The following DNMT3A variants were observed in gnomAD, a reference collection of about 807,000 sequenced individuals.
DNMT3A encodes the protein DNA methyltransferase 3 alpha.
In DNMT3A, 267 loss-of-function variants were observed where a neutral mutation model predicts 117.6. The observed-to-expected ratio is 2.27, with a 90% CI of 2.05 to 2.51. The LOEUF is 2.51. DNMT3A is among the 30% of genes most tolerant of loss of function. The probability of loss-of-function intolerance (pLI) is 0.00; values close to 1 mark genes in which losing one functional copy is unlikely to be tolerated. For synonymous variants in DNMT3A, 432 were observed against 474.8 expected, an observed-to-expected ratio of 0.91 and a Z score of 1.17; for missense variants, 1,029 against 1,260.2, an observed-to-expected ratio of 0.82 and a Z score of 2.78.
At chr2:25,275,324 G>A (rs1438552628) in intron 5 of DNMT3A, among the ~76,000 whole-genome samples, 176 bp downstream of exon 5, 2 of 152,230 alleles carry the variant, frequency 1.3e-5, no homozygotes, top group African/African-American at 4.8e-5. Flanking sequence ...GGAGGGGGAT[G>A]AGCCGGCTGC....
intron 3 of DNMT3A, among the ~76,000 whole-genome samples, chr2:25,285,406 A>C (rs72810070): frequency 2.3e-3 from 349 of 152,334 alleles, no homozygotes; most frequent in Non-Finnish European, 3.7e-3. Context: ...TCCTCCCTGG[A>C]TGGGGACCCG....
At chr2:25,300,117 G>A in intron 3 of DNMT3A, 22 bp downstream of exon 3, 6 of 1,610,782 alleles carry the variant, frequency 3.7e-6, no homozygotes, top group Non-Finnish European at 5.1e-6. Flanking sequence ...GCACAGGAGG[G>A]TGTGTAGGAT....
intron 3 of DNMT3A, 26 bp downstream of exon 3, chr2:25,300,113 G>T: frequency 6.2e-7 from 1 of 1,608,980 alleles, no homozygotes; most frequent in Non-Finnish European, 8.5e-7. Context: ...GTGTGCACAG[G>T]AGGGTGTGTA....
rs1232202110 is a variant in DNMT3A at position 25,236,732 on chromosome 2, A to C, written c.2478+204T>G. On this transcript the variant is annotated intron_variant, in intron 21 of 22. Coordinates refer to ENST00000321117, the MANE Select transcript of DNMT3A (RefSeq NM_022552.5). This position sits in a 1 kb window ranked among gnomAD's most constrained non-coding sequence, Gnocchi z 4.5. ...GTGTCTACCGGGGGTGATGGGCGAC[A>C]CTCACCAGGGAGGAAGGGCTGAAGG... is the stretch of plus-strand genomic sequence containing the variant. 1.3e-5 allele frequency among the ~76,000 whole-genome samples: 2 copies of C among 152,152 alleles called. No individual in the cohort carries two copies. Among genetic ancestry groups the C allele is most frequent in the Non-Finnish European group, 2.9e-5 (2 of 68,000 alleles).
At chr2:25,285,351 G>GAAAACA (rs1284427430) in intron 3 of DNMT3A, among the ~76,000 whole-genome samples, 1 of 152,180 alleles carries the variant, frequency 6.6e-6, no homozygotes, top group Non-Finnish European at 1.5e-5. Context: ...AGGGCCTTGG[G>GAAAACA]AAAACAAAAA....
intron 3 of DNMT3A, among the ~76,000 whole-genome samples, chr2:25,288,225 C>A (rs58425980): frequency 3.3e-5 from 5 of 149,538 alleles, no homozygotes; most frequent in Non-Finnish European, 6.0e-5. Flanking sequence ...ATGAGGTCAG[C>A]AGATTGAGAC....
intron 4 of DNMT3A, among the ~76,000 whole-genome samples, chr2:25,277,456 C>A (rs190499349): frequency 6.6e-6 from 1 of 152,072 alleles, no homozygotes; most frequent in African/African-American, 2.4e-5. Context: ...GCGGTCCCGG[C>A]GGACCCTGAC....
Position 25,314,575 on chromosome 2 carries a change from TCACCCC to T in DNMT3A, c.-177-420_-177-415del, listed in dbSNP as rs1573483166. The T allele has an allele frequency of 3.1e-6, 3 of 979,706 alleles. No homozygotes were observed. The South Asian group carries it at 1.4e-4, about 47-fold the overall frequency. The allele number at this position is 979,706 out of a possible 1,614,324, so 60.7% of individuals were successfully genotyped here. On this transcript the variant is annotated intron_variant, in intron 1 of 22. Transcript: ENST00000321117. Reference sequence around the variant, plus strand: ...GCTACGTTTTCCTTCTAATCTGTCCTCACCCCCACCCCCACACCTCCCGCCACGTGG... The same window carrying T: ...GCTACGTTTTCCTTCTAATCTGTCCTCACCCCCACACCTCCCGCCACGTGG...
intron 1 of DNMT3A, among the ~76,000 whole-genome samples, chr2:25,334,527 C>G (rs1273302943): frequency 6.6e-6 from 1 of 152,222 alleles, no homozygotes; most frequent in East Asian, 1.9e-4. Flanking sequence ...TCCCCAGGAA[C>G]CATTTGGGCC....
intron 6 of DNMT3A, among the ~76,000 whole-genome samples, chr2:25,260,714 ACACT>A (rs1454891701): frequency 3.3e-5 from 5 of 152,138 alleles, no homozygotes; most frequent in Non-Finnish European, 5.9e-5. Flanking sequence ...GCACACACAC[ACACT>A]CACCATGCAG....
At chr2:25,248,535 T>C (rs1176330813) in intron 6 of DNMT3A, among the ~76,000 whole-genome samples, 1 of 151,416 alleles carries the variant, frequency 6.6e-6, no homozygotes. Context: ...TACCCTATGA[T>C]ACGGAAATGT....
At chr2:25,250,128 T>C (rs1380925090) in intron 6 of DNMT3A, among the ~76,000 whole-genome samples, 1 of 152,210 alleles carries the variant, frequency 6.6e-6, no homozygotes, top group Non-Finnish European at 1.5e-5. Context: ...AAATCTGGTG[T>C]ATATATGGAC....
intron 3 of DNMT3A, among the ~76,000 whole-genome samples, chr2:25,290,210 G>A (rs1425674840): frequency 6.6e-6 from 1 of 152,132 alleles, no homozygotes; most frequent in Non-Finnish European, 1.5e-5. Context: ...GTGCAGGGGT[G>A]TGACCATAGC....
At position 25,246,060 on chromosome 2, in the gene DNMT3A, C is replaced by A; in HGVS notation, c.1434G>T (p.Arg478=). The A allele has an allele frequency of 6.2e-7, 1 of 1,614,204 alleles. No individual in the cohort carries two copies. Among genetic ancestry groups the A allele is most frequent in the Admixed American group, 1.7e-5 (1 of 60,030 alleles). ...ACTTCTGCCGCACCTCGTACACCAG[C>A]CGCTCTGCAAGGGGAGGAGAGCTGG... ...KEIIDERTRE[R]LVYEVRQKCR... Residue 478 remains arginine, a synonymous_variant, in exon 12 of 23, where the codon CGG becomes CGT. Transcript: ENST00000321117.
At chr2:25,241,910 G>A (rs1034558774) in intron 16 of DNMT3A, 25 of 628,996 alleles carry the variant, frequency 4.0e-5, no homozygotes, top group African/African-American at 2.8e-4. Context: ...CTCATGCCTC[G>A]TTTGGCCTAT....
chr2:25,277,904 C>T (rs1214294710), intron 4 of DNMT3A, among the ~76,000 whole-genome samples: 1 of 151,836 alleles, frequency 6.6e-6, no homozygotes, highest in Non-Finnish European at 1.5e-5. Flanking sequence ...GCCCCCCAAG[C>T]TCCCCAAAAC....
In DNMT3A at chr2:25,282,734, C is replaced by A; in HGVS notation, c.178-23G>T. The A allele has an allele frequency of 6.6e-7, 1 of 1,514,166 alleles. No individual in the cohort carries two copies. Among genetic ancestry groups the A allele is most frequent in the Non-Finnish European group, 8.8e-7 (1 of 1,130,676 alleles). 93.8% of individuals were successfully genotyped at this position (1,514,166 alleles called of 1,614,324 possible). A position where few individuals can be genotyped will look rare whatever the true frequency, so the allele number is the denominator to read the frequency against. ...CACCTGCAAATGTAAGAAAGATACA[C>A]AAGAGGAGGGTTAGATCAGTGGGCT... On this transcript the variant is annotated intron_variant, in intron 3 of 22. Transcript: ENST00000321117. The surrounding 1 kb of genome is among the most constrained non-coding windows in gnomAD (Gnocchi z 5.2).
At chr2:25,325,220 C>T (rs925607695) in intron 1 of DNMT3A, among the ~76,000 whole-genome samples, 1 of 152,164 alleles carries the variant, frequency 6.6e-6, no homozygotes, top group African/African-American at 2.4e-5. Context: ...CCAACACAGA[C>T]TTCCGTAAGG....
rs200845575 is a variant in DNMT3A, at chr2:25,246,204, G to C, written c.1385C>G (p.Ala462Gly). 1.2e-6 allele frequency: 2 copies of C among 1,614,000 alleles called. No homozygotes were observed. The highest frequency in any genetic ancestry group is 1.7e-5 in the Admixed American group (1 of 60,004). The change falls in exon 11 of 23, where the codon GCG becomes GGG. Residue 462 changes from alanine (A) to glycine (G), a missense_variant. Transcript: ENST00000321117. ...AATCTCCTTGACCTTGGGCTTCTCCGCTGTGCTCTTCCGGGGCTTTTTGGC... is the reference window on the plus strand; with the variant it reads ...AATCTCCTTGACCTTGGGCTTCTCCCCTGTGCTCTTCCGGGGCTTTTTGGC... Reference protein sequence around the residue: ...PPAKKPRKSTAEKPKVKEIID... With the variant: ...PPAKKPRKSTGEKPKVKEIID...
Sources: gnomAD v4.1 joint callset for allele counts (sites outside exome capture counted in the v4.1 genomes callset) on GRCh38, gnomAD v4.1.1 for gene constraint, Gnocchi (gnomAD v3.1) non-coding constraint, MANE v1.5 for transcripts, NCBI Gene and HGNC (gene_info 2026-07-23, HGNC 2026-07-21) for gene names.